Variants in HLCS observed in about 807,000 individuals in gnomAD.
HLCS encodes the protein biotin--protein ligase.
A neutral mutation model predicts 75.0 loss-of-function variants in HLCS; 53 were observed. The observed-to-expected ratio is 0.71, with a 90% CI of 0.57 to 0.89. The LOEUF (loss-of-function observed/expected upper bound fraction) is 0.89. Ranked by LOEUF, HLCS falls within the 40% of genes least tolerant of loss-of-function variation. The probability of loss-of-function intolerance (pLI) is 0.00; values close to 1 mark genes in which losing one functional copy is unlikely to be tolerated. For synonymous variants in HLCS, 431 were observed against 428.6 expected (o/e 1.01, Z -0.07); for missense variants, 966 against 1,074.0 (o/e 0.90, Z 1.41).
intron 6 of HLCS, among the ~76,000 whole-genome samples, chr21:36,775,953 C>T (rs2060345232): frequency 1.3e-5 from 2 of 152,172 alleles, no homozygotes; most frequent in African/African-American, 2.4e-5. Context: ...ATTTTAGGTT[C>T]GTGATCTCAT....
At chr21:36,922,515 G>C (rs1186093100) in intron 5 of HLCS, among the ~76,000 whole-genome samples, 1 of 152,220 alleles carries the variant, frequency 6.6e-6, no homozygotes, top group Non-Finnish European at 1.5e-5. Flanking sequence ...TACACAGGCA[G>C]CTACAACAAA....
chr21:36,923,024 C>T (rs958017609), intron 5 of HLCS, among the ~76,000 whole-genome samples: 3 of 152,228 alleles, frequency 2.0e-5, no homozygotes, highest in African/African-American at 4.8e-5. Context: ...CCAGACTCAA[C>T]GGTTCCGTCA....
intron 6 of HLCS, among the ~76,000 whole-genome samples, chr21:36,866,778 TA>T (rs1331610773): frequency 5.3e-5 from 8 of 152,106 alleles, no homozygotes; most frequent in African/African-American, 1.4e-4. Flanking sequence ...ATTGGGTAAC[TA>T]AGTAGAAATA....
At chr21:36,807,920 C>A (rs1961116499) in intron 6 of HLCS, among the ~76,000 whole-genome samples, 1 of 152,178 alleles carries the variant, frequency 6.6e-6, no homozygotes, top group African/African-American at 2.4e-5. Flanking sequence ...CTAAAAGAAT[C>A]AGCTAAAAAC....
intron 6 of HLCS, among the ~76,000 whole-genome samples, chr21:36,774,393 A>G (rs970344878): frequency 6.6e-5 from 10 of 152,186 alleles, no homozygotes; most frequent in Non-Finnish European, 1.3e-4. Context: ...AAGGGAATCC[A>G]TCTCTCTCAG....
chr21:36,802,815 C>CG (rs1338498252), intron 6 of HLCS, among the ~76,000 whole-genome samples: 1 of 152,186 alleles, frequency 6.6e-6, no homozygotes, highest in Non-Finnish European at 1.5e-5. Context: ...CACAATTCAA[C>CG]GGAACAGCCT....
chr21:36,773,047 G>A (rs1047270165), intron 6 of HLCS, among the ~76,000 whole-genome samples: 19 of 150,782 alleles, frequency 1.3e-4, no homozygotes, highest in Non-Finnish European at 5.9e-5. Context: ...TCTCCTTTAT[G>A]TTGTTCTATA....
chr21:36,885,396 T>C (rs1321565792), intron 6 of HLCS, among the ~76,000 whole-genome samples: 1 of 151,658 alleles, frequency 6.6e-6, no homozygotes, highest in Non-Finnish European at 1.5e-5. Flanking sequence ...TGGTCCCAGC[T>C]ACTCGGGACG....
intron 4 of HLCS, among the ~76,000 whole-genome samples, chr21:36,931,981 T>C (rs891811355): frequency 1.3e-5 from 2 of 152,116 alleles, no homozygotes; most frequent in Admixed American, 1.3e-4. Context: ...GGTGAACCGA[T>C]GCGTCTACAT....
chr21:36,850,812 T>C (rs979503798), intron 6 of HLCS, among the ~76,000 whole-genome samples: 40 of 152,152 alleles, frequency 2.6e-4, no homozygotes, highest in Non-Finnish European at 4.9e-4. Context: ...TGCTACATTT[T>C]CTGTGTCCCT....
intron 6 of HLCS, among the ~76,000 whole-genome samples, chr21:36,771,856 G>A (rs1490106553): frequency 2.6e-5 from 4 of 152,036 alleles, no homozygotes; most frequent in Admixed American, 6.6e-5. Context: ...AAAATTAGCC[G>A]GGTGTGGTGG....
intron 1 of HLCS, among the ~76,000 whole-genome samples, chr21:36,975,431 G>A (rs1432763467): frequency 2.6e-5 from 4 of 151,998 alleles, no homozygotes; most frequent in Non-Finnish European, 4.4e-5. Flanking sequence ...TGTTTCCCAC[G>A]GTTCTGCCTC....
chr21:36,910,118 A>G (rs2065635266), intron 5 of HLCS, among the ~76,000 whole-genome samples: 1 of 152,226 alleles, frequency 6.6e-6, no homozygotes, highest in Admixed American at 6.5e-5. Context: ...CTCGTATGGA[A>G]TTTATATGAC....
At chr21:36,888,073 C>G (rs948055629) in intron 6 of HLCS, among the ~76,000 whole-genome samples, 5 of 152,130 alleles carry the variant, frequency 3.3e-5, no homozygotes, top group African/African-American at 1.2e-4. Context: ...ATCGCTTCCA[C>G]CTGTGTCTCC....
At chr21:36,909,738 G>A (rs982192020) in intron 5 of HLCS, among the ~76,000 whole-genome samples, 5 of 152,184 alleles carry the variant, frequency 3.3e-5, no homozygotes, top group African/African-American at 9.7e-5. Flanking sequence ...GTTTACAGGT[G>A]TGGGCCACAT....
intron 6 of HLCS, among the ~76,000 whole-genome samples, chr21:36,788,994 A>C (rs987962004): frequency 2.0e-5 from 3 of 152,196 alleles, no homozygotes; most frequent in Admixed American, 2.0e-4. Context: ...GGCAATAAGA[A>C]GACGCATCTC....
chr21:36,876,698 A>G, intron 6 of HLCS, among the ~76,000 whole-genome samples: 1 of 152,212 alleles, frequency 6.6e-6, no homozygotes, highest in East Asian at 1.9e-4. Context: ...GAACATACCA[A>G]GCACACTTGA....
intron 2 of HLCS, 79 bp downstream of exon 2, chr21:36,961,956 GA>G (rs58618927): frequency 0.1 from 68,738 of 658,050 alleles, no homozygotes; most frequent in Non-Finnish European, 0.12. Context: ...TCTGTCTCAG[GA>G]AAAAAAAAAA....
intron 6 of HLCS, among the ~76,000 whole-genome samples, chr21:36,874,986 T>C (rs2063913238): frequency 1.3e-5 from 2 of 152,164 alleles, no homozygotes; most frequent in Non-Finnish European, 2.9e-5. Context: ...GCGGGTGCTG[T>C]CATGACCCAG....
Sources: gnomAD v4.1 joint callset for allele counts (sites outside exome capture counted in the v4.1 genomes callset) on GRCh38, gnomAD v4.1.1 for gene constraint, MANE v1.5 for transcripts, NCBI Gene and HGNC (gene_info 2026-07-23, HGNC 2026-07-21) for gene names.